Variants in ZDHHC15 observed in about 807,000 individuals in gnomAD.
ZDHHC15 encodes the protein zDHHC palmitoyltransferase 15.
ZDHHC15 carries 19 observed loss-of-function variants against 31.7 expected under a neutral mutation model. The ratio of observed to expected loss-of-function variants is 0.60; its 90% CI spans 0.42 to 0.88. ZDHHC15 has a LOEUF of 0.88. Ranked by LOEUF, ZDHHC15 falls within the 40% of genes least tolerant of loss-of-function variation. The probability of loss-of-function intolerance (pLI) is 0.00; values close to 1 mark genes in which losing one functional copy is unlikely to be tolerated. For missense variants in ZDHHC15, 209 were observed against 251.2 expected (o/e 0.83, Z 1.14); for synonymous variants, 103 against 90.0 (o/e 1.14, Z -0.82).
intron 3 of ZDHHC15, among the ~76,000 whole-genome samples, chrX:75,470,663 T>A (rs778171393): frequency 2.6e-4 from 29 of 111,081 alleles, no homozygotes; most frequent in Non-Finnish European, 4.5e-4. Flanking sequence ...GGTCAGGTAA[T>A]TAATGGAGTT....
intron 9 of ZDHHC15, among the ~76,000 whole-genome samples, chrX:75,417,472 T>A (rs1369659218): frequency 8.9e-6 from 1 of 112,036 alleles, no homozygotes; most frequent in Non-Finnish European, 1.9e-5. Flanking sequence ...CACAGCAAGC[T>A]TCATACATAT....
intron 11 of ZDHHC15, among the ~76,000 whole-genome samples, chrX:75,374,789 G>A (rs770937750): frequency 1.8e-5 from 2 of 109,737 alleles, no homozygotes; most frequent in African/African-American, 3.3e-5. Flanking sequence ...TCTCAATTAT[G>A]TTGAGTGGAA....
chrX:75,425,510 C>T (rs756147949), intron 7 of ZDHHC15, among the ~76,000 whole-genome samples: 1 of 112,060 alleles, frequency 8.9e-6, no homozygotes, highest in African/African-American at 3.2e-5. Flanking sequence ...CAGCCTAGAC[C>T]AGAATGAATG....
At position 75,452,726 on chromosome X, in the gene ZDHHC15, A is replaced by G. The variant is rs780747920; in HGVS notation, c.259-1804T>C. The stretch of plus-strand genomic sequence containing the variant: ...TCAATCAAATTAGAACTCAGGATTA[A>G]GAAACTCAGTCAAAACCGCACAACT... On this transcript the variant is annotated intron_variant, in intron 3 of 11. Transcript: ENST00000373367. 2.7e-5 allele frequency among the ~76,000 whole-genome samples: 3 copies of G among 112,382 alleles called. No homozygotes were observed. The South Asian group carries it at 1.1e-3, about 41-fold the overall frequency.
intron 9 of ZDHHC15, among the ~76,000 whole-genome samples, chrX:75,421,346 C>T (rs1470751896): frequency 6.7e-5 from 3 of 44,791 alleles, no homozygotes; most frequent in South Asian, 1.4e-3. Flanking sequence ...GTCTTTATAA[C>T]CATTACTTTT....
intron 4 of ZDHHC15, among the ~76,000 whole-genome samples, chrX:75,437,748 C>T (rs985559457): frequency 4.6e-5 from 5 of 109,130 alleles, no homozygotes; most frequent in Non-Finnish European, 7.6e-5. Context: ...AATAAACATA[C>T]GTGTGCATGT....
rs955589585 is a variant in ZDHHC15 at position 75,383,361 on chromosome X, T to A, written c.968-4163A>T. Among the ~76,000 whole-genome samples the A allele has an allele frequency of 5.3e-5, 6 of 112,184 alleles. No individual in the cohort carries two copies. The East Asian group carries it at 1.7e-3, about 31-fold the overall frequency. On this transcript the variant is annotated intron_variant, in intron 10 of 11. Coordinates refer to ENST00000373367, the MANE Select transcript of ZDHHC15 (RefSeq NM_144969.3). ...GAGAATACTGAAATAAAGATGATGT[T>A]TCTGACTCCAGTGAGTTCCCATCTA...
intron 2 of ZDHHC15, among the ~76,000 whole-genome samples, chrX:75,495,297 A>T (rs1405948020): frequency 9.0e-6 from 1 of 111,666 alleles, no homozygotes; most frequent in Non-Finnish European, 1.9e-5. Flanking sequence ...GCTGGAGAGG[A>T]TGTGGAGAAA....
intron 10 of ZDHHC15, among the ~76,000 whole-genome samples, chrX:75,387,217 A>G (rs1470697649): frequency 8.9e-6 from 1 of 112,384 alleles, no homozygotes; most frequent in Non-Finnish European, 1.9e-5. Context: ...AACAAGACAG[A>G]CAGAGAAGAC....
intron 2 of ZDHHC15, among the ~76,000 whole-genome samples, chrX:75,480,451 C>A (rs1182681505): frequency 1.8e-5 from 2 of 111,021 alleles, no homozygotes; most frequent in East Asian, 5.7e-4. Context: ...TTAATTGTAT[C>A]TCTTTTTAAA....
chrX:75,376,901 G>GA lies in ZDHHC15; in HGVS notation c.*32+2218dup, dbSNP rs779327564. Among the ~76,000 whole-genome samples, 382 of 111,099 alleles carry GA rather than the reference G, an allele frequency of 3.4e-3. 2 individuals carry two copies. In the South Asian group the frequency reaches 0.037, roughly 11 times the overall value. On this transcript the variant is annotated intron_variant, in intron 11 of 11. Coordinates refer to ENST00000373367, the MANE Select transcript of ZDHHC15 (RefSeq NM_144969.3). ...TATATACAAAATTTAGAGGCAAAAT[G>GA]AAAAAATTAGCATTGATTCTACATT...
At position 75,379,123 on chromosome X, in the gene ZDHHC15, T is replaced by A. The variant is rs1447447514; in HGVS notation, c.*29A>T. On this transcript the variant is annotated 3_prime_UTR_variant, in exon 11 of 12. Transcript: ENST00000373367. ...GTGTCTCCCTCAGAATACTGACCTG[T>A]CTGAGAGATGCAGGAAATGTGAAAA... 8.3e-7 allele frequency: 1 copy of A among 1,208,756 alleles called. No individual in the cohort carries two copies. The highest frequency in any genetic ancestry group is 1.1e-6 in the Non-Finnish European group (1 of 892,791).
At chrX:75,426,093 C>A (rs1372381784) in intron 7 of ZDHHC15, among the ~76,000 whole-genome samples, 1 of 111,943 alleles carries the variant, frequency 8.9e-6, no homozygotes, top group Non-Finnish European at 1.9e-5. Flanking sequence ...CCTAAGCAGG[C>A]AAATTGAATT....
intron 1 of ZDHHC15, among the ~76,000 whole-genome samples, chrX:75,509,245 G>A (rs776128958): frequency 1.8e-5 from 2 of 111,597 alleles, no homozygotes; most frequent in South Asian, 3.8e-4. Context: ...CCTACAGAAT[G>A]GGAGAAAATT....
At chrX:75,450,470 G>A (rs2084099864) in intron 4 of ZDHHC15, among the ~76,000 whole-genome samples, 1 of 111,699 alleles carries the variant, frequency 9.0e-6, no homozygotes, top group Non-Finnish European at 1.9e-5. Context: ...TCTTACTGAT[G>A]TCAGCTATTT....
At chrX:75,484,222 A>C (rs1199358000) in intron 2 of ZDHHC15, among the ~76,000 whole-genome samples, 1 of 111,640 alleles carries the variant, frequency 9.0e-6, no homozygotes, top group African/African-American at 3.3e-5. Flanking sequence ...ATTGTTAGAC[A>C]CATTTTCCTC....
intron 1 of ZDHHC15, among the ~76,000 whole-genome samples, chrX:75,517,085 C>T (rs1230693980): frequency 9.0e-6 from 1 of 111,670 alleles, no homozygotes; most frequent in Non-Finnish European, 1.9e-5. Flanking sequence ...AGTCAGGAAA[C>T]AACAGGTGCT....
At chrX:75,396,337 T>C (rs1412119409) in intron 10 of ZDHHC15, among the ~76,000 whole-genome samples, 2 of 111,994 alleles carry the variant, frequency 1.8e-5, no homozygotes, top group African/African-American at 6.5e-5. Context: ...GGGCAAAAGA[T>C]GTGAATAGAC....
At chrX:75,465,982 G>T (rs2084398409) in intron 3 of ZDHHC15, among the ~76,000 whole-genome samples, 1 of 111,491 alleles carries the variant, frequency 9.0e-6, no homozygotes. Context: ...CACAGCAAAA[G>T]AAACCATCAT....
Sources: allele counts gnomAD v4.1 joint callset (sites outside exome capture counted in the v4.1 genomes callset), GRCh38; gene constraint gnomAD v4.1.1; transcripts MANE v1.5; gene names NCBI Gene and HGNC (gene_info 2026-07-23, HGNC 2026-07-21).